ZNF487: variants seen among roughly 807,000 people sequenced by gnomAD.
The protein encoded by ZNF487 is zinc finger protein 487.
In ZNF487, 4 loss-of-function variants were observed where a neutral mutation model predicts 3.0. That is an observed-to-expected ratio of 1.35 (90% CI 0.66 to 3.08). The LOEUF is 3.08. Among genes scored for constraint, ZNF487 ranks in the 30% most tolerant of loss-of-function variants. The pLI is 0.01. For synonymous variants in ZNF487, 55 were observed against 34.6 expected (o/e 1.59, Z -2.06); for missense variants, 146 against 98.7 (o/e 1.48, Z -2.03).
At chr10:43,494,807 C>T in the ZNF487 span, among the ~76,000 whole-genome samples, 9 of 141,390 alleles carry the variant, frequency 6.4e-5, no homozygotes, top group East Asian at 2.0e-4. Flanking sequence ...CATGGTAGTG[C>T]GCGCCTGTAA....
At chr10:43,504,099 A>G in the ZNF487 span, among the ~76,000 whole-genome samples, 3 of 152,186 alleles carry the variant, frequency 2.0e-5, no homozygotes, top group Non-Finnish European at 4.4e-5. Flanking sequence ...TTTTGTAAAC[A>G]TACCTAATGA....
chr10:43,495,395 C>T, the ZNF487 span, among the ~76,000 whole-genome samples: 1 of 151,942 alleles, frequency 6.6e-6, no homozygotes, highest in Non-Finnish European at 1.5e-5. Context: ...AGGTGTATGC[C>T]GCCACACCCA....
the ZNF487 span, among the ~76,000 whole-genome samples, chr10:43,497,101 G>T: frequency 6.6e-6 from 1 of 152,060 alleles, no homozygotes; most frequent in South Asian, 2.1e-4. Context: ...TCTCATTTTA[G>T]ATCTTTTTCT....
chr10:43,455,700 C>G (rs1001990560), intron 1 of ZNF487, among the ~76,000 whole-genome samples: 11 of 152,174 alleles, frequency 7.2e-5, no homozygotes, highest in Non-Finnish European at 1.3e-4. Flanking sequence ...CAGGGCTGGG[C>G]GCGGTGGGGT....
At chr10:43,472,604 A>G (rs1840942555) in intron 1 of ZNF487, among the ~76,000 whole-genome samples, 1 of 152,080 alleles carries the variant, frequency 6.6e-6, no homozygotes, top group Non-Finnish European at 1.5e-5. Flanking sequence ...TCTGCCCAAC[A>G]TCTACATTTT....
At chr10:43,509,322 G>A in the ZNF487 span, among the ~76,000 whole-genome samples, 1 of 151,430 alleles carries the variant, frequency 6.6e-6, no homozygotes, top group South Asian at 2.1e-4. Flanking sequence ...GTGGATTACT[G>A]GAACCTTAAG....
intron 1 of ZNF487, among the ~76,000 whole-genome samples, chr10:43,464,817 C>A (rs928373630): frequency 1.3e-5 from 2 of 152,222 alleles, no homozygotes; most frequent in Non-Finnish European, 2.9e-5. Context: ...CTTTTCCCCA[C>A]CTTTCCCCCT....
At chr10:43,488,593 G>C in the ZNF487 span, among the ~76,000 whole-genome samples, 1 of 152,076 alleles carries the variant, frequency 6.6e-6, no homozygotes, top group Non-Finnish European at 1.5e-5. Context: ...ACAAAATCTT[G>C]TAACACAACA....
At chr10:43,500,118 G>A in the ZNF487 span, among the ~76,000 whole-genome samples, 1 of 151,866 alleles carries the variant, frequency 6.6e-6, no homozygotes, top group South Asian at 2.1e-4. Context: ...CAGGTGATCC[G>A]CCTGCCTCGG....
intron 1 of ZNF487, among the ~76,000 whole-genome samples, chr10:43,464,820 T>A (rs1236838474): frequency 6.6e-6 from 1 of 152,184 alleles, no homozygotes; most frequent in African/African-American, 2.4e-5. Flanking sequence ...TTCCCCACCT[T>A]TCCCCCTTTT....
chr10:43,462,676 G>A (rs973242789), intron 1 of ZNF487, among the ~76,000 whole-genome samples: 1 of 151,506 alleles, frequency 6.6e-6, no homozygotes, highest in African/African-American at 2.4e-5. Context: ...GGATGGTCAC[G>A]ATCTCTTGAC....
chr10:43,468,622 C>T (rs963135464), intron 1 of ZNF487, among the ~76,000 whole-genome samples: 7 of 133,206 alleles, frequency 5.3e-5, no homozygotes, highest in African/African-American at 1.4e-4. Flanking sequence ...GAGGTTGTGG[C>T]GAGCTGCGAT....
intron 1 of ZNF487, among the ~76,000 whole-genome samples, chr10:43,470,140 CTG>C (rs1189797349): frequency 6.6e-6 from 1 of 152,072 alleles, no homozygotes; most frequent in African/African-American, 2.4e-5. Flanking sequence ...TGAGGTATGC[CTG>C]TGTTTTTCCC....
At chr10:43,446,231 T>C (rs1029431768) in intron 1 of ZNF487, among the ~76,000 whole-genome samples, 1 of 152,008 alleles carries the variant, frequency 6.6e-6, no homozygotes, top group Non-Finnish European at 1.5e-5. Flanking sequence ...GCAGAGGGGC[T>C]CCTCACTTCC....
chr10:43,460,415 G>A (rs1175591655), intron 1 of ZNF487, among the ~76,000 whole-genome samples: 1 of 129,186 alleles, frequency 7.7e-6, no homozygotes, highest in Non-Finnish European at 1.6e-5. Flanking sequence ...CCAAGTTGTC[G>A]CCCAGGCTGG....
At chr10:43,519,757 G>A in the ZNF487 span, among the ~76,000 whole-genome samples, 7 of 152,262 alleles carry the variant, frequency 4.6e-5, no homozygotes, top group East Asian at 1.4e-3. Context: ...GAGCCACTGT[G>A]CCTGGCCTAA....
intron 1 of ZNF487, among the ~76,000 whole-genome samples, chr10:43,465,789 C>T (rs1178168267): frequency 1.3e-5 from 2 of 152,158 alleles, no homozygotes; most frequent in East Asian, 3.9e-4. Flanking sequence ...ATGGGGTGGC[C>T]GCCGAGCAGA....
intron 1 of ZNF487, among the ~76,000 whole-genome samples, chr10:43,473,237 A>G (rs908490805): frequency 1.3e-5 from 2 of 149,710 alleles, no homozygotes; most frequent in African/African-American, 2.5e-5. Flanking sequence ...CCTCCCGAGT[A>G]GCCATGCCTG....
the ZNF487 span, among the ~76,000 whole-genome samples, chr10:43,499,858 T>C: frequency 6.6e-6 from 1 of 152,292 alleles, no homozygotes; most frequent in Non-Finnish European, 1.5e-5. Context: ...ATCTGTTGTC[T>C]TTCTAAGCAC....
Sources: allele counts gnomAD v4.1 joint callset (sites outside exome capture counted in the v4.1 genomes callset), GRCh38; gene constraint gnomAD v4.1.1; transcripts MANE v1.5; gene names NCBI Gene and HGNC (gene_info 2026-07-23, HGNC 2026-07-21).